The following SMOC2 variants were observed in gnomAD, a reference collection of about 807,000 sequenced individuals.
SMOC2 encodes SPARC-related modular calcium-binding protein 2.
SMOC2 carries 39 observed loss-of-function variants against 61.4 expected under a neutral mutation model. That is an observed-to-expected ratio of 0.64 (90% confidence interval 0.49 to 0.83). The LOEUF (loss-of-function observed/expected upper bound fraction) is 0.83, where lower values mean the gene tolerates loss of function less well. Among genes scored for constraint, SMOC2 ranks in the 40% least tolerant of loss-of-function variants. The pLI is 0.00. For missense variants in SMOC2, 556 were observed against 592.9 expected, an observed-to-expected ratio of 0.94 and a Z score of 0.65; for synonymous variants, 247 against 239.9, an observed-to-expected ratio of 1.03 and a Z score of -0.27.
chr6:168,528,617 A>G (rs1262094688), intron 4 of SMOC2, among the ~76,000 whole-genome samples: 1 of 152,260 alleles, frequency 6.6e-6, no homozygotes, highest in Non-Finnish European at 1.5e-5. Context: ...TTCCTGAGCC[A>G]TGGCCCTGGC....
rs9456125 is a variant in SMOC2 at position 168,488,600 on chromosome 6, G to A, written c.85-21315G>A. ...GAGAAAACTAACATTTTCGCAGGAG[G>A]CAGAGATCAGGACCCAGGTTCTCAA... On this transcript the variant is annotated intron_variant, in intron 1 of 12. Coordinates refer to ENST00000356284, the MANE Select transcript of SMOC2 (RefSeq NM_001166412.2). 7.1e-3 allele frequency among the ~76,000 whole-genome samples: 1,081 copies of A among 152,350 alleles called. 13 individuals are homozygous for A. The highest frequency in any genetic ancestry group is 0.025 in the African/African-American group (1,038 of 41,578).
At chr6:168,515,269 GCA>G (rs1254783446) in intron 2 of SMOC2, among the ~76,000 whole-genome samples, 1 of 152,142 alleles carries the variant, frequency 6.6e-6, no homozygotes, top group Non-Finnish European at 1.5e-5. Flanking sequence ...TGGAAAGAAC[GCA>G]CAGACACCTG....
intron 7 of SMOC2, among the ~76,000 whole-genome samples, chr6:168,559,024 A>T (rs944902719): frequency 1.3e-5 from 2 of 152,250 alleles, no homozygotes; most frequent in Non-Finnish European, 2.9e-5. Flanking sequence ...TTGAGAAATC[A>T]GGTACTGGAA....
rs192013854 is a variant in SMOC2, at chr6:168,548,711, T to G, written c.563-418T>G. 4.9e-4 allele frequency among the ~76,000 whole-genome samples: 75 copies of G among 152,308 alleles called. No homozygotes were observed. The East Asian group carries it at 0.013, about 27-fold the overall frequency. ...AACAAGATTACTACAAAAGGGGTGT[T>G]CCTGAAAAGTTTCAGGCAAAAGTTA... On this transcript the variant is annotated intron_variant, in intron 6 of 12. Transcript: ENST00000356284.
rs557657401 is a variant in SMOC2, at chr6:168,536,715, G to T, written c.464-6910G>T. Reference sequence around the variant, plus strand: ...GGAGCTAAGGGCAGTGTGGACCTGGGCTGTGCCACCCCCTGGGGGTACTGT... The same window carrying T: ...GGAGCTAAGGGCAGTGTGGACCTGGTCTGTGCCACCCCCTGGGGGTACTGT... On this transcript the variant is annotated intron_variant, in intron 4 of 12. Transcript: ENST00000356284. Among the ~76,000 whole-genome samples, 4 of 152,288 alleles carry T rather than the reference G, an allele frequency of 2.6e-5. No individual in the cohort carries two copies. The East Asian group carries it at 7.7e-4, about 29-fold the overall frequency.
In SMOC2 at chr6:168,667,543, G is replaced by T. The variant is rs185744313; in HGVS notation, c.*1105G>T. The T allele has an allele frequency of 2.6e-5, 4 of 152,354 alleles. No homozygotes were observed. The highest frequency in any genetic ancestry group is 9.6e-5 in the African/African-American group (4 of 41,576). 9.4% of individuals were successfully genotyped at this position (152,354 alleles called of 1,614,324 possible). A position where few individuals can be genotyped will look rare whatever the true frequency, so the allele number is the denominator to read the frequency against. ...GTGGCACTGGCAGAGAAGGATAGGA[G>T]TGGAATGCCCACACAGTGACCAACA... On this transcript the variant is annotated 3_prime_UTR_variant, in exon 13 of 13. Transcript: ENST00000356284.
At chr6:168,559,332 A>G (rs1313287878) in intron 7 of SMOC2, among the ~76,000 whole-genome samples, 3 of 151,888 alleles carry the variant, frequency 2.0e-5, no homozygotes, top group Admixed American at 6.6e-5. Flanking sequence ...GCGGGTGCCT[A>G]TAATCCCAGA....
intron 1 of SMOC2, among the ~76,000 whole-genome samples, chr6:168,468,551 T>C (rs1781896658): frequency 1.3e-5 from 2 of 152,378 alleles, no homozygotes; most frequent in South Asian, 4.1e-4. Context: ...TTTTTGTTTT[T>C]TGAGACTGAG....
chr6:168,629,797 G>T (rs987101897), intron 9 of SMOC2, among the ~76,000 whole-genome samples: 5 of 152,284 alleles, frequency 3.3e-5, no homozygotes, highest in African/African-American at 1.2e-4. Context: ...CCCATCACTG[G>T]TCCTCAGTTT....
rs1787668995 is a variant in SMOC2, at chr6:168,666,617, G to A, written c.*179G>A. 2 of 687,998 alleles carry A rather than the reference G, an allele frequency of 2.9e-6. No homozygotes were observed. The highest frequency in any genetic ancestry group is 3.6e-5 in the African/African-American group (2 of 55,136). 42.6% of individuals were successfully genotyped at this position (687,998 alleles called of 1,614,324 possible). On this transcript the variant is annotated 3_prime_UTR_variant, in exon 13 of 13. Coordinates refer to ENST00000356284, the MANE Select transcript of SMOC2 (RefSeq NM_001166412.2). ...TTTAATCTGTGAAAATGGAGAGCTG[G>A]CTTCAGAAAATTAATCACATACAAT...
At chr6:168,543,869 G>A (rs112748535) in intron 5 of SMOC2, among the ~76,000 whole-genome samples, 197 bp downstream of exon 5, 4 of 152,202 alleles carry the variant, frequency 2.6e-5, no homozygotes, top group South Asian at 2.1e-4. Context: ...CGCTGGGGTC[G>A]CTGGTGTTGG....
chr6:168,458,594 G>T (rs1781646321), intron 1 of SMOC2, among the ~76,000 whole-genome samples: 1 of 152,152 alleles, frequency 6.6e-6, no homozygotes, highest in African/African-American at 2.4e-5. Context: ...CATTGCTAAG[G>T]AATGGGGCCC....
At chr6:168,566,701 G>A (rs964663689) in intron 7 of SMOC2, among the ~76,000 whole-genome samples, 1 of 151,788 alleles carries the variant, frequency 6.6e-6, no homozygotes, top group Non-Finnish European at 1.5e-5. Flanking sequence ...TTGTATTTTT[G>A]TGTTTGCCAG....
intron 10 of SMOC2, 118 bp downstream of exon 10, chr6:168,650,901 C>G: frequency 7.9e-6 from 7 of 884,414 alleles, no homozygotes. Flanking sequence ...ACAGTAGGGC[C>G]TTAAAAAGGA....
chr6:168,481,961 T>A (rs2115024102), intron 1 of SMOC2, among the ~76,000 whole-genome samples: 1 of 151,758 alleles, frequency 6.6e-6, no homozygotes, highest in African/African-American at 2.4e-5. Flanking sequence ...GAAAAAAACC[T>A]AACTTTACAA....
At chr6:168,663,398 C>G (rs1217144899) in intron 11 of SMOC2, among the ~76,000 whole-genome samples, 1 of 152,184 alleles carries the variant, frequency 6.6e-6, no homozygotes, top group Admixed American at 6.5e-5. Context: ...AATATAGAAG[C>G]AAAAGACTTC....
intron 9 of SMOC2, among the ~76,000 whole-genome samples, chr6:168,648,626 A>C (rs1787108575): frequency 6.6e-6 from 1 of 152,150 alleles, no homozygotes. Flanking sequence ...GGAAAGTAGC[A>C]TTTGCCCCGT....
chr6:168,666,309 C>T (rs549796024), intron 12 of SMOC2, 112 bp from the exon 13 acceptor site: 2 of 1,219,236 alleles, frequency 1.6e-6, no homozygotes, highest in Non-Finnish European at 1.2e-6. Context: ...CTCACATGAC[C>T]TGCCCAGCCC....
At chr6:168,444,733 G>A (rs1006353872) in intron 1 of SMOC2, among the ~76,000 whole-genome samples, 1 of 152,134 alleles carries the variant, frequency 6.6e-6, no homozygotes, top group African/African-American at 2.4e-5. Context: ...AGTATAAATG[G>A]TTTTTATTAC....
Sources: allele counts gnomAD v4.1 joint callset (sites outside exome capture counted in the v4.1 genomes callset), GRCh38; gene constraint gnomAD v4.1.1; transcripts MANE v1.5; gene names NCBI Gene and HGNC (gene_info 2026-07-23, HGNC 2026-07-21).